Variants in ENTHD1 observed in about 807,000 individuals in gnomAD.
ENTHD1 encodes the protein ENTH domain-containing protein 1.
A neutral mutation model predicts 39.1 loss-of-function variants in ENTHD1; 23 were observed. The observed-to-expected ratio is 0.59, with a 90% confidence interval of 0.42 to 0.83. The LOEUF (loss-of-function observed/expected upper bound fraction) is 0.83, where lower values mean the gene tolerates loss of function less well. ENTHD1 is among the 40% of genes least tolerant of loss of function. The pLI, the probability that ENTHD1 is intolerant of heterozygous loss-of-function variation, is 0.00. For missense variants in ENTHD1, 624 were observed against 705.4 expected (o/e 0.88, Z 1.31); for synonymous variants, 230 against 258.2 (o/e 0.89, Z 1.05).
chr22:39,769,686 G>C (rs2065306854), intron 5 of ENTHD1, among the ~76,000 whole-genome samples: 1 of 151,970 alleles, frequency 6.6e-6, no homozygotes, highest in African/African-American at 2.4e-5. Flanking sequence ...GTATGGGGTG[G>C]AGCATCAACA....
chr22:39,747,305 T>C (rs1441044527), intron 6 of ENTHD1, among the ~76,000 whole-genome samples: 7 of 152,174 alleles, frequency 4.6e-5, no homozygotes, highest in African/African-American at 1.7e-4. Context: ...GTTTTTAAAT[T>C]CTCTTTGTTT....
chr22:39,823,237 G>C (rs1047814921), intron 4 of ENTHD1, among the ~76,000 whole-genome samples: 9 of 152,078 alleles, frequency 5.9e-5, no homozygotes, highest in African/African-American at 1.9e-4. Flanking sequence ...CCTTGATATA[G>C]ATGTAACATA....
chr22:39,884,940 T>TGGGG (rs2146773399), intron 2 of ENTHD1, among the ~76,000 whole-genome samples: 2 of 152,288 alleles, frequency 1.3e-5, no homozygotes, highest in African/African-American at 4.8e-5. Context: ...TATTGGACAA[T>TGGGG]GGAGCCCATA....
chr22:39,831,733 G>C (rs1015084074), intron 4 of ENTHD1, among the ~76,000 whole-genome samples: 1 of 152,050 alleles, frequency 6.6e-6, no homozygotes, highest in African/African-American at 2.4e-5. Flanking sequence ...GGCTGAGGCA[G>C]GAGAATCGCT....
At chr22:39,760,319 T>A (rs2065222354) in intron 6 of ENTHD1, among the ~76,000 whole-genome samples, 4 of 152,086 alleles carry the variant, frequency 2.6e-5, no homozygotes. Flanking sequence ...CTTTTATTAG[T>A]TACATACACA....
At chr22:39,858,091 C>T (rs1008891714) in intron 3 of ENTHD1, among the ~76,000 whole-genome samples, 5 of 152,158 alleles carry the variant, frequency 3.3e-5, no homozygotes, top group Non-Finnish European at 7.3e-5. Flanking sequence ...AGCATTTTAC[C>T]CACAGTAGAA....
chr22:39,750,534 G>A (rs1301921116), intron 6 of ENTHD1: 2 of 153,336 alleles, frequency 1.3e-5, no homozygotes, highest in Non-Finnish European at 2.9e-5. Context: ...TTGAAGATGA[G>A]CTAACTTTTC....
intron 5 of ENTHD1, among the ~76,000 whole-genome samples, chr22:39,776,575 T>G (rs1383779265): frequency 2.6e-5 from 4 of 152,256 alleles, no homozygotes; most frequent in Admixed American, 2.6e-4. Context: ...CTGGCTTGAT[T>G]ATTCTTGACA....
intron 3 of ENTHD1, among the ~76,000 whole-genome samples, chr22:39,860,254 CAAAA>C (rs756055760): frequency 4.3e-4 from 65 of 152,064 alleles, no homozygotes; most frequent in East Asian, 1.2e-3. Context: ...AAAGAACTGA[CAAAA>C]GAAAGGAAGA....
chr22:39,769,719 A>C, intron 5 of ENTHD1, among the ~76,000 whole-genome samples: 1 of 151,996 alleles, frequency 6.6e-6, no homozygotes, highest in Admixed American at 6.6e-5. Context: ...AGATATAATC[A>C]CTCCCCCTCC....
chr22:39,887,584 A>T lies in ENTHD1; in HGVS notation c.165T>A (p.Asn55Lys), dbSNP rs1403198702. 1.9e-6 allele frequency: 3 copies of T among 1,614,220 alleles called. No individual in the cohort carries two copies. The highest frequency in any genetic ancestry group is 1.6e-4 in the Middle Eastern group (1 of 6,062). The stretch of plus-strand genomic sequence containing the variant: ...GGTCATTGAGTCTGTGCCACAGCAT[A>T]TTCATAATCTCTGAGAGAGAAATTG... ...FNTISLSEIM[N>K]MLWHRLNDHG... The change falls in exon 2 of 7, where the codon AAT (asparagine) becomes AAA (lysine). Residue 55 changes from asparagine to lysine, a missense_variant. Asn to Lys is a moderately conservative substitution (Grantham distance 94). Transcript: ENST00000325157.
rs117568262 is a variant in ENTHD1, at chr22:39,775,828, T to A, written c.833-10219A>T. ...TTGAATATATATAATGCAGCATTTG[T>A]GGAAACTTTTCTGAAGTCCACAAGA... is the stretch of plus-strand genomic sequence containing the variant. On this transcript the variant is annotated intron_variant, in intron 5 of 6. Coordinates refer to ENST00000325157, the MANE Select transcript of ENTHD1 (RefSeq NM_152512.4). 5.0e-3 allele frequency among the ~76,000 whole-genome samples: 757 copies of A among 152,256 alleles called. 29 individuals are homozygous for A. The East Asian group carries it at 0.09, about 18-fold the overall frequency.
chr22:39,827,106 C>A (rs1189847707), intron 4 of ENTHD1, among the ~76,000 whole-genome samples: 2 of 151,312 alleles, frequency 1.3e-5, no homozygotes, highest in African/African-American at 2.4e-5. Context: ...AGCTCTGGCT[C>A]CCAGGTTCAC....
chr22:39,809,670 A>G (rs1297585640), intron 5 of ENTHD1, among the ~76,000 whole-genome samples: 1 of 152,162 alleles, frequency 6.6e-6, no homozygotes, highest in African/African-American at 2.4e-5. Flanking sequence ...TTTAAAAAGC[A>G]TACTTTGATG....
intron 6 of ENTHD1, among the ~76,000 whole-genome samples, chr22:39,761,733 T>G (rs1354587764): frequency 6.6e-6 from 1 of 152,152 alleles, no homozygotes; most frequent in African/African-American, 2.4e-5. Flanking sequence ...CAGTAAAATT[T>G]TCATTTCAAT....
intron 6 of ENTHD1, among the ~76,000 whole-genome samples, chr22:39,744,643 G>T (rs1248405585): frequency 6.6e-6 from 1 of 152,094 alleles, no homozygotes; most frequent in Non-Finnish European, 1.5e-5. Context: ...TTTTAAGTTG[G>T]TATTTAAAGT....
At chr22:39,776,656 T>C (rs906240515) in intron 5 of ENTHD1, among the ~76,000 whole-genome samples, 1 of 152,166 alleles carries the variant, frequency 6.6e-6, no homozygotes, top group African/African-American at 2.4e-5. Context: ...ATACAGACTA[T>C]CATGAAAATG....
Position 39,804,845 on chromosome 22 carries a change from G to A in ENTHD1, c.832+16148C>T, listed in dbSNP as rs2065628093. ...AAACAAACAAAAACTAGACTCGTAT[G>A]TAACAGATAAAGATTTGGGAAGTAT... On this transcript the variant is annotated intron_variant, in intron 5 of 6. Transcript: ENST00000325157. Among the ~76,000 whole-genome samples the A allele has an allele frequency of 2.0e-5, 3 of 152,190 alleles. No homozygotes were observed. The South Asian group carries it at 6.2e-4, about 31-fold the overall frequency.
chr22:39,892,236 T>C (rs1015628075), intron 1 of ENTHD1, among the ~76,000 whole-genome samples: 1 of 152,214 alleles, frequency 6.6e-6, no homozygotes, highest in Non-Finnish European at 1.5e-5. Context: ...TTTAGTGTTA[T>C]TTTTAGATCT....
Sources: allele counts gnomAD v4.1 joint callset (sites outside exome capture counted in the v4.1 genomes callset), GRCh38; gene constraint gnomAD v4.1.1; transcripts MANE v1.5; gene names NCBI Gene and HGNC (gene_info 2026-07-23, HGNC 2026-07-21).